The following UBE4B variants were observed in gnomAD, a reference collection of about 807,000 sequenced individuals.
UBE4B encodes ubiquitin conjugation factor E4 B.
In UBE4B, 27 loss-of-function variants were observed where a neutral mutation model predicts 148.1. The observed-to-expected ratio is 0.18, with a 90% confidence interval of 0.13 to 0.25. The LOEUF (loss-of-function observed/expected upper bound fraction) is 0.25, where lower values mean the gene tolerates loss of function less well. Among genes scored for constraint, UBE4B ranks in the 10% least tolerant of loss-of-function variants. UBE4B has a pLI of 1.00. For synonymous variants in UBE4B, 596 were observed against 619.3 expected (o/e 0.96, Z 0.56); for missense variants, 1,170 against 1,662.4 (o/e 0.70, Z 5.15).
chr1:10,074,253 A>G (rs949660167), intron 2 of UBE4B, among the ~76,000 whole-genome samples: 19 of 151,164 alleles, frequency 1.3e-4, no homozygotes, highest in African/African-American at 4.4e-4. Context: ...TGAAGCTTGG[A>G]CCCTAGATCC....
intron 19 of UBE4B, among the ~76,000 whole-genome samples, chr1:10,148,832 C>T (rs138954558): frequency 9.3e-4 from 141 of 151,748 alleles, no homozygotes; most frequent in Middle Eastern, 3.4e-3. Context: ...CTCAGCTATT[C>T]GGGAGGCTGA....
chr1:10,049,290 C>T (rs1353853332), intron 1 of UBE4B, among the ~76,000 whole-genome samples: 1 of 152,130 alleles, frequency 6.6e-6, no homozygotes, highest in African/African-American at 2.4e-5. Flanking sequence ...CCTCAGGCTG[C>T]AGCTGGGGAC....
In UBE4B at chr1:10,149,384, G is replaced by C. The variant is rs543482517; in HGVS notation, c.2690+102G>C. 2.1e-5 allele frequency: 20 copies of C among 933,422 alleles called. No individual in the cohort carries two copies. The African/African-American group carries it at 3.1e-4, about 14-fold the overall frequency. 57.8% of individuals were successfully genotyped at this position (933,422 alleles called of 1,614,324 possible). On this transcript the variant is annotated intron_variant, in intron 20 of 27. Transcript: ENST00000343090. ...AACCTCCATTTCATGCCTGAAATTT[G>C]ATGTAACTGTTTTAACTGAATGCTG... is the stretch of plus-strand genomic sequence containing the variant.
chr1:10,127,402 G>A (rs1057132517), intron 11 of UBE4B, among the ~76,000 whole-genome samples: 4 of 152,184 alleles, frequency 2.6e-5, no homozygotes, highest in African/African-American at 9.7e-5. Flanking sequence ...ACTTAGAGCA[G>A]GCATACATTG....
Position 10,161,850 on chromosome 1 carries a change from G to A in UBE4B, c.3198+564G>A, listed in dbSNP as rs557961557. 1.2e-4 allele frequency among the ~76,000 whole-genome samples: 19 copies of A among 152,122 alleles called. No individual in the cohort carries two copies. Among genetic ancestry groups the A allele is most frequent in the Non-Finnish European group, 2.5e-4 (17 of 68,018 alleles). On this transcript the variant is annotated intron_variant, in intron 23 of 27. Coordinates refer to ENST00000343090, the MANE Select transcript of UBE4B (RefSeq NM_001105562.3). The surrounding 1 kb of genome is among the most constrained non-coding windows in gnomAD (Gnocchi z 4.1). ...CAGCCACTGAGATACTTCCTTGGTC[G>A]CTTATGAGGCCCTTGACAGTTGCTG...
intron 17 of UBE4B, among the ~76,000 whole-genome samples, chr1:10,142,247 G>T (rs368711823): frequency 6.6e-6 from 1 of 151,952 alleles, no homozygotes; most frequent in Non-Finnish European, 1.5e-5. Flanking sequence ...TTTCATGAAG[G>T]CCTGTTACCT....
chr1:10,178,649 C>G lies in UBE4B; in HGVS notation c.3531C>G (p.Ser1177=). 1.2e-6 allele frequency: 2 copies of G among 1,607,642 alleles called. No homozygotes were observed. Among genetic ancestry groups the G allele is most frequent in the South Asian group, 2.2e-5 (2 of 90,322 alleles). ...TTGCCATTCCTCCTTTGCAGAGATC[C>G]TACAGTAAGGAATTGTTTGAAGAAG... ...FAKAIADDQR[S]YSKELFEEVI... The change falls in exon 26 of 28, where the codon TCC becomes TCG. Residue 1177 remains serine, a synonymous_variant. Transcript: ENST00000343090.
intron 25 of UBE4B, among the ~76,000 whole-genome samples, chr1:10,176,559 G>T (rs562980529): frequency 1.8e-4 from 28 of 151,984 alleles, no homozygotes; most frequent in African/African-American, 6.8e-4. Context: ...ATGTTAATTT[G>T]TTTTTGTTTC....
chr1:10,110,425 G>A (rs1645198626), intron 7 of UBE4B, among the ~76,000 whole-genome samples: 1 of 152,212 alleles, frequency 6.6e-6, no homozygotes, highest in Middle Eastern at 3.4e-3. Flanking sequence ...TTGGGTGGTG[G>A]GCTTAATGCA....
chr1:10,176,162 G>A (rs1646426680), intron 25 of UBE4B, among the ~76,000 whole-genome samples: 1 of 152,190 alleles, frequency 6.6e-6, no homozygotes, highest in African/African-American at 2.4e-5. Flanking sequence ...CATTTGTGTT[G>A]TAGAATGTAT....
intron 11 of UBE4B, 174 bp from the exon 12 acceptor site, chr1:10,129,218 T>G (rs1254164080): frequency 1.9e-6 from 1 of 515,548 alleles, no homozygotes; most frequent in Non-Finnish European, 3.5e-6. Context: ...ATTGCATGTG[T>G]TTTAGTTTAT....
At chr1:10,095,703 G>A in intron 3 of UBE4B, 107 bp downstream of exon 3, 1 of 1,306,784 alleles carries the variant, frequency 7.7e-7, no homozygotes, top group Non-Finnish European at 1.1e-6. Context: ...AGAGACCCAT[G>A]CCAGTCCTTA....
At chr1:10,158,860 A>G (rs1026846863) in intron 22 of UBE4B, among the ~76,000 whole-genome samples, 3 of 151,956 alleles carry the variant, frequency 2.0e-5, no homozygotes, top group African/African-American at 7.2e-5. Context: ...AATACAAAAC[A>G]TTAACTGGGT....
intron 25 of UBE4B, among the ~76,000 whole-genome samples, chr1:10,173,426 G>A (rs903976543): frequency 7.9e-5 from 12 of 151,126 alleles, no homozygotes; most frequent in Non-Finnish European, 1.5e-4. Context: ...AGCTTGCAGT[G>A]AGCGGAGATC....
intron 1 of UBE4B, among the ~76,000 whole-genome samples, chr1:10,034,708 A>G (rs2101757183): frequency 6.6e-6 from 1 of 152,326 alleles, no homozygotes; most frequent in East Asian, 1.9e-4. Context: ...CAAGACTTCC[A>G]TGCTCCAGTT....
At chr1:10,142,906 G>C (rs983333713) in intron 17 of UBE4B, among the ~76,000 whole-genome samples, 1 of 152,032 alleles carries the variant, frequency 6.6e-6, no homozygotes, top group Non-Finnish European at 1.5e-5. Context: ...TCAGGAGTTT[G>C]AGACCCGCCT....
At chr1:10,064,674 C>T (rs1268714805) in intron 1 of UBE4B, among the ~76,000 whole-genome samples, 1 of 152,094 alleles carries the variant, frequency 6.6e-6, no homozygotes, top group Non-Finnish European at 1.5e-5. Flanking sequence ...TAGTCCATCT[C>T]TGTGCCTACT....
intron 21 of UBE4B, among the ~76,000 whole-genome samples, chr1:10,151,851 A>G (rs1645980639): frequency 1.3e-5 from 2 of 152,080 alleles, no homozygotes; most frequent in African/African-American, 4.8e-5. Flanking sequence ...TGGTAGTGTT[A>G]TCTGAATGGA....
At chr1:10,034,973 T>G (rs1643447147) in intron 1 of UBE4B, among the ~76,000 whole-genome samples, 3 of 151,814 alleles carry the variant, frequency 2.0e-5, no homozygotes, top group Admixed American at 6.6e-5. Flanking sequence ...CTCCTTAGAA[T>G]CGCTTTATTT....
Sources: allele counts gnomAD v4.1 joint callset (sites outside exome capture counted in the v4.1 genomes callset), GRCh38; gene constraint gnomAD v4.1.1; non-coding constraint Gnocchi (gnomAD v3.1); transcripts MANE v1.5; gene names NCBI Gene and HGNC (gene_info 2026-07-23, HGNC 2026-07-21).